EHMT2: variants seen among roughly 807,000 people sequenced by gnomAD.
The protein encoded by EHMT2 is histone-lysine N-methyltransferase EHMT2.
A neutral mutation model predicts 143.3 loss-of-function variants in EHMT2; 59 were observed. The ratio of observed to expected loss-of-function variants is 0.41; its 90% confidence interval spans 0.33 to 0.51. The LOEUF is 0.51. Among genes scored for constraint, EHMT2 ranks in the 20% least tolerant of loss-of-function variants. The pLI is 0.18. For missense variants in EHMT2, 1,174 were observed against 1,645.9 expected, an observed-to-expected ratio of 0.71 and a Z score of 4.96; for synonymous variants, 604 against 651.5, an observed-to-expected ratio of 0.93 and a Z score of 1.11.
At chr6:31,891,595 A>G (rs568863031) in intron 7 of EHMT2, among the ~76,000 whole-genome samples, 1 of 152,312 alleles carries the variant, frequency 6.6e-6, no homozygotes, top group East Asian at 1.9e-4. Context: ...GGGGCTCCCT[A>G]TTCTACTCTT....
rs1764366766 is a variant in EHMT2 at position 31,883,351 on chromosome 6, G to A, written c.2994+11C>T. On this transcript the variant is annotated intron_variant, in intron 23 of 27. Coordinates refer to ENST00000375537, the Ensembl canonical transcript of EHMT2. This position sits in a 1 kb window ranked among gnomAD's most constrained non-coding sequence, Gnocchi z 5.6. ...GGCCGGGTGTCTGTGGCCAAGGCAA[G>A]GGGCACGCACCTTGTCATACCAGCA... 1.1e-5 allele frequency: 18 copies of A among 1,612,692 alleles called. 1 individual carries two copies. The African/African-American group carries it at 2.1e-4, about 19-fold the overall frequency.
At chr6:31,885,339 G>A (rs1471288822) in intron 18 of EHMT2, 6 of 211,760 alleles carry the variant, frequency 2.8e-5, no homozygotes, top group Non-Finnish European at 4.8e-5. Context: ...TTAGCTGGGC[G>A]TGGTGGCAGG....
In EHMT2 at chr6:31,889,072, T is replaced by TCGTGGCTCCTTGGCCCGCG; in HGVS notation, c.1115-3_1115-2insCGCGGGCCAAGGAGCCACG. 2 of 1,601,364 alleles carry TCGTGGCTCCTTGGCCCGCG rather than the reference T, an allele frequency of 1.2e-6. No homozygotes were observed. Among genetic ancestry groups the TCGTGGCTCCTTGGCCCGCG allele is most frequent in the Non-Finnish European group, 1.7e-6 (2 of 1,174,688 alleles). Reference sequence around the variant, plus strand: ...CTGAGGAGCCCACACCATTCACTCCTGACACAGAGACAGAGAGAGTGAGAG... The same window carrying TCGTGGCTCCTTGGCCCGCG: ...CTGAGGAGCCCACACCATTCACTCCTCGTGGCTCCTTGGCCCGCGGACACAGAGACAGAGAGAGTGAGAG... On this transcript the variant is annotated splice_polypyrimidine_tract_variant and splice_region_variant and intron_variant, in intron 9 of 27. Transcript: ENST00000375537. This position sits in a 1 kb window ranked among gnomAD's most constrained non-coding sequence, Gnocchi z 5.1.
Position 31,880,400 on chromosome 6 carries a change from GTATGTTC to G in EHMT2, c.3453-143_3453-137del, listed in dbSNP as rs1763950043. 9.6e-7 allele frequency: 1 copy of G among 1,040,724 alleles called. No homozygotes were observed. The highest frequency in any genetic ancestry group is 1.4e-6 in the Non-Finnish European group (1 of 728,998). The allele number at this position is 1,040,724 out of a possible 1,614,324, so 64.5% of individuals were successfully genotyped here. ...TCTCCAGATGGGATCTGAGCCCCTT[GTATGTTC>G]TATGGACTTTCAGCATCAGCATTGC... On this transcript the variant is annotated intron_variant, in intron 27 of 27. Coordinates refer to ENST00000375537, the Ensembl canonical transcript of EHMT2. The surrounding 1 kb of genome is among the most constrained non-coding windows in gnomAD (Gnocchi z 6.6).
Position 31,888,064 on chromosome 6 carries a change from C to T in EHMT2, c.1722G>A (p.Gly574=). Reference sequence around the variant, plus strand: ...ACCTGGGCTGAGAAGTGTCTGCTCTCCCGGGGACATCCTGGGACAGGGGTG... The same window carrying T: ...ACCTGGGCTGAGAAGTGTCTGCTCTTCCGGGGACATCCTGGGACAGGGGTG... The change falls in exon 13 of 28, where the codon GGG becomes GGA. Residue 574 remains glycine (G), a synonymous_variant. Coordinates refer to ENST00000375537, the Ensembl canonical transcript of EHMT2. This position sits in a 1 kb window ranked among gnomAD's most constrained non-coding sequence, Gnocchi z 7.4. 1 of 1,595,972 alleles carries T rather than the reference C, an allele frequency of 6.3e-7. No homozygotes were observed. Among genetic ancestry groups the T allele is most frequent in the South Asian group, 1.1e-5 (1 of 88,754 alleles).
chr6:31,884,332 T>TG lies in EHMT2; in HGVS notation c.2771+59dup. ...AATGTTGTGAGGATGCAATGGAGCC[T>TG]GGGGAGGGTATGGGTGGGGAGGAGG... On this transcript the variant is annotated intron_variant, in intron 21 of 27. Transcript: ENST00000375537. This position sits in a 1 kb window ranked among gnomAD's most constrained non-coding sequence, Gnocchi z 7.3. The TG allele has an allele frequency of 1.5e-6, 2 of 1,354,074 alleles. No individual in the cohort carries two copies. The allele number at this position is 1,354,074 out of a possible 1,614,324, so 83.9% of individuals were successfully genotyped here.
chr6:31,897,654 T>A, exon 1 of EHMT2: 1 of 1,165,860 alleles, frequency 8.6e-7, no homozygotes, highest in Non-Finnish European at 1.1e-6. Flanking sequence ...CCGCCGCCGC[T>A]GCAGCTCCCG....
At position 31,889,213 on chromosome 6, in the gene EHMT2, G is replaced by A. The variant is rs746209933; in HGVS notation, c.1114+15C>T. 6.3e-7 allele frequency: 1 copy of A among 1,594,400 alleles called. No homozygotes were observed. Among genetic ancestry groups the A allele is most frequent in the East Asian group, 2.3e-5 (1 of 43,916 alleles). ...GGGGGCTGGAGGGCACCCAAAAGCA[G>A]CAGAGCCTCCTCACCTCGTGGCTCC... On this transcript the variant is annotated intron_variant, in intron 9 of 27. Coordinates refer to ENST00000375537, the Ensembl canonical transcript of EHMT2. This position sits in a 1 kb window ranked among gnomAD's most constrained non-coding sequence, Gnocchi z 5.1.
chr6:31,892,975 G>A, intron 4 of EHMT2, 65 bp from the exon 5 acceptor site: 4 of 1,138,044 alleles, frequency 3.5e-6, no homozygotes, highest in Non-Finnish European at 4.9e-6. Flanking sequence ...GGGTTAGCCT[G>A]GAGCCCCAGG....
Position 31,880,953 on chromosome 6 carries a change from C to G in EHMT2, c.3276+61G>C. On this transcript the variant is annotated intron_variant, in intron 26 of 27. Transcript: ENST00000375537. This position sits in a 1 kb window ranked among gnomAD's most constrained non-coding sequence, Gnocchi z 6.6. ...TCCCCAGGTTTCCATTTGCTGACTT[C>G]CCAGAGGCTCCTGAAAGCCAGCCCT... is the stretch of plus-strand genomic sequence containing the variant. The G allele has an allele frequency of 1.2e-6, 2 of 1,609,248 alleles. No individual in the cohort carries two copies. The highest frequency in any genetic ancestry group is 1.7e-6 in the Non-Finnish European group (2 of 1,176,776).
intron 18 of EHMT2, 36 bp downstream of exon 18, chr6:31,886,545 G>A: frequency 3.8e-6 from 6 of 1,584,478 alleles, no homozygotes; most frequent in Non-Finnish European, 5.2e-6. Context: ...CCAGGCACCA[G>A]GGACCCAGAG....
chr6:31,882,593 G>A, intron 25 of EHMT2, 106 bp downstream of exon 25: 2 of 1,127,714 alleles, frequency 1.8e-6, no homozygotes, highest in Non-Finnish European at 2.6e-6. Context: ...TGGCCAGATG[G>A]AGACATGTGA....
chr6:31,884,212 T>C lies in EHMT2; in HGVS notation c.2771+180A>G. 1 of 750,564 alleles carries C rather than the reference T, an allele frequency of 1.3e-6. No homozygotes were observed. Among genetic ancestry groups the C allele is most frequent in the Admixed American group, 3.0e-5 (1 of 33,708 alleles). 46.5% of individuals were successfully genotyped at this position (750,564 alleles called of 1,614,324 possible). A position where few individuals can be genotyped will look rare whatever the true frequency, so the allele number is the denominator to read the frequency against. On this transcript the variant is annotated intron_variant, in intron 21 of 27. Transcript: ENST00000375537. This position sits in a 1 kb window ranked among gnomAD's most constrained non-coding sequence, Gnocchi z 7.3. ...TCTGAAATTCCAGTTTAACTGGGTG[T>C]CTTCTATTTTTATTTGCTGTATCTG...
chr6:31,893,841 G>C (rs1359081440), intron 4 of EHMT2, among the ~76,000 whole-genome samples: 1 of 152,188 alleles, frequency 6.6e-6, no homozygotes, highest in Non-Finnish European at 1.5e-5. Flanking sequence ...CAGGGGCTAG[G>C]GGGTGGAGGG....
chr6:31,896,945 T>A lies in EHMT2; in HGVS notation c.87A>T (p.Glu29Asp), dbSNP rs1284275320. The A allele has an allele frequency of 4.4e-6, 7 of 1,591,730 alleles. No homozygotes were observed. The East Asian group carries it at 1.6e-4, about 36-fold the overall frequency. The change falls in exon 2 of 28, where the codon GAA (glutamate) becomes GAT (aspartate). Residue 29 changes from glutamate to aspartate, a missense_variant. Physicochemically the swap from Glu to Asp is conservative, Grantham distance 45. Transcript: ENST00000375537. Reference sequence around the variant, plus strand: ...CACCTCTCTCGGTGGCTCCTCTGGTTTCCTTCTCCAGCAGCAGCGCCCCCA... The same window carrying A: ...CACCTCTCTCGGTGGCTCCTCTGGTATCCTTCTCCAGCAGCAGCGCCCCCA...
intron 7 of EHMT2, among the ~76,000 whole-genome samples, 182 bp downstream of exon 7, chr6:31,892,225 G>C (rs1366903139): frequency 6.6e-6 from 1 of 152,118 alleles, no homozygotes; most frequent in Non-Finnish European, 1.5e-5. Flanking sequence ...CTGGGCGACA[G>C]AATGAGATTC....
chr6:31,887,918 C>T (rs756063527), exon 14 of EHMT2: 34 of 1,604,728 alleles, frequency 2.1e-5, no homozygotes, highest in Non-Finnish European at 2.8e-5. Flanking sequence ...GCCAGGGGAT[C>T]GCAGGGCGGG....
Position 31,889,595 on chromosome 6 carries a change from A to G in EHMT2, c.872T>C (p.Val291Ala), listed in dbSNP as rs1220147944. ...ACTTAGTTGTTCAGTTAGAGCTTCA[A>G]CTTCAGACTGGGAGAGAGGCAGAAC... is the stretch of plus-strand genomic sequence containing the variant. The change falls in exon 8 of 28, where the codon GTT becomes GCT. Residue 291 changes from valine (V) to alanine (A), a missense_variant. Physicochemically the swap from Val to Ala is moderately conservative, Grantham distance 64 (BLOSUM62 0). This residue lies in a region of EHMT2 where 399 missense variants were observed against 404.4 expected (regional missense o/e 0.99). Transcript: ENST00000375537. The surrounding 1 kb of genome is among the most constrained non-coding windows in gnomAD (Gnocchi z 5.1). The G allele has an allele frequency of 3.7e-6, 6 of 1,610,020 alleles. 1 individual carries two copies. The highest frequency in any genetic ancestry group is 3.3e-4 in the Middle Eastern group (2 of 6,084).
Position 31,889,214 on chromosome 6 carries a change from C to T in EHMT2, c.1114+14G>A. On this transcript the variant is annotated intron_variant, in intron 9 of 27. Transcript: ENST00000375537. This position sits in a 1 kb window ranked among gnomAD's most constrained non-coding sequence, Gnocchi z 5.1. ...GGGGCTGGAGGGCACCCAAAAGCAGCAGAGCCTCCTCACCTCGTGGCTCCT... is the reference window on the plus strand; with the variant it reads ...GGGGCTGGAGGGCACCCAAAAGCAGTAGAGCCTCCTCACCTCGTGGCTCCT... 1 of 1,595,126 alleles carries T rather than the reference C, an allele frequency of 6.3e-7. No individual in the cohort carries two copies. Among genetic ancestry groups the T allele is most frequent in the Non-Finnish European group, 8.5e-7 (1 of 1,171,624 alleles).
Sources: allele counts gnomAD v4.1 joint callset (sites outside exome capture counted in the v4.1 genomes callset), GRCh38; gene constraint gnomAD v4.1.1; regional missense constraint gnomAD v4.1.1; non-coding constraint Gnocchi (gnomAD v3.1); transcripts MANE v1.5; gene names NCBI Gene and HGNC (gene_info 2026-07-23, HGNC 2026-07-21).